Variants in IGF1 observed in about 807,000 individuals in gnomAD.
The protein encoded by IGF1 is insulin like growth factor 1, also known as insulin-like growth factor 1.
IGF1 carries 4 observed loss-of-function variants against 13.8 expected under a neutral mutation model. The observed-to-expected ratio is 0.29, with a 90% CI of 0.14 to 0.66. The LOEUF is 0.66. Ranked by LOEUF, IGF1 falls within the 30% of genes least tolerant of loss-of-function variation. The pLI is 0.78. For synonymous variants in IGF1, 76 were observed against 72.6 expected, an observed-to-expected ratio of 1.05 and a Z score of -0.23; for missense variants, 124 against 188.5, an observed-to-expected ratio of 0.66 and a Z score of 2.00.
At chr12:102,435,390 G>A (rs1421311662) in intron 2 of IGF1, among the ~76,000 whole-genome samples, 1 of 152,162 alleles carries the variant, frequency 6.6e-6, no homozygotes, top group East Asian at 1.9e-4. Context: ...TATAGAAGAG[G>A]ACACAGGATA....
At chr12:102,474,365 T>C (rs1935817758) in intron 2 of IGF1, among the ~76,000 whole-genome samples, 1 of 152,220 alleles carries the variant, frequency 6.6e-6, no homozygotes, top group Non-Finnish European at 1.5e-5. Flanking sequence ...ATTCAAATAG[T>C]AGAAGGCACT....
chr12:102,397,212 A>T lies in IGF1; in HGVS notation c.*5295T>A, dbSNP rs1592723409. On this transcript the variant is annotated 3_prime_UTR_variant, in exon 4 of 4. Coordinates refer to ENST00000337514, the MANE Select transcript of IGF1 (RefSeq NM_000618.5). ...GCGAGACCCCATCTCACAAAAAGGA[A>T]AAAAAAAAAGAGGGAACACGTGAAA... 1 of 171,204 alleles carries T rather than the reference A, an allele frequency of 5.8e-6. No homozygotes were observed. The highest frequency in any genetic ancestry group is 1.2e-5 in the Non-Finnish European group (1 of 82,198). 10.6% of individuals were successfully genotyped at this position (171,204 alleles called of 1,614,324 possible). A position where few individuals can be genotyped will look rare whatever the true frequency, so the allele number is the denominator to read the frequency against.
intron 2 of IGF1, among the ~76,000 whole-genome samples, chr12:102,427,220 AG>A (rs1184905214): frequency 6.6e-6 from 1 of 151,780 alleles, no homozygotes; most frequent in Non-Finnish European, 1.5e-5. Context: ...TCTTTTTTTT[AG>A]AAAGACTGAC....
At chr12:102,472,672 C>A (rs773200666) in intron 2 of IGF1, among the ~76,000 whole-genome samples, 13 of 152,106 alleles carry the variant, frequency 8.5e-5, no homozygotes, top group African/African-American at 3.1e-4. Context: ...ATGCTTCCCT[C>A]TAAAAAGTAT....
chr12:102,416,981 G>T (rs1875197879), intron 3 of IGF1, among the ~76,000 whole-genome samples: 1 of 152,168 alleles, frequency 6.6e-6, no homozygotes, highest in Admixed American at 6.5e-5. Flanking sequence ...GAGGGAAGAT[G>T]AAGTGAAGAC....
At chr12:102,449,400 TG>T (rs1212799718) in intron 2 of IGF1, among the ~76,000 whole-genome samples, 1 of 103,996 alleles carries the variant, frequency 9.6e-6, no homozygotes, top group Non-Finnish European at 2.0e-5. Context: ...AGTCGGGGGG[TG>T]GGGGCAAGGG....
intron 2 of IGF1, among the ~76,000 whole-genome samples, chr12:102,433,178 G>T (rs1876892023): frequency 6.6e-6 from 1 of 152,056 alleles, no homozygotes; most frequent in South Asian, 2.1e-4. Flanking sequence ...CCAAAATTTG[G>T]CTGAACACTC....
chr12:102,446,789 T>A (rs752570290), intron 2 of IGF1, among the ~76,000 whole-genome samples: 3 of 152,184 alleles, frequency 2.0e-5, no homozygotes, highest in Non-Finnish European at 4.4e-5. Flanking sequence ...TGCTCTTGCT[T>A]CTCTAGTTCT....
intron 2 of IGF1, among the ~76,000 whole-genome samples, chr12:102,447,868 A>G (rs1565989827): frequency 6.6e-6 from 1 of 152,208 alleles, no homozygotes; most frequent in Non-Finnish European, 1.5e-5. Flanking sequence ...ATGGACAAAC[A>G]CTTCCTGACT....
At chr12:102,418,186 C>T (rs868611410) in intron 3 of IGF1, among the ~76,000 whole-genome samples, 2 of 152,316 alleles carry the variant, frequency 1.3e-5, no homozygotes, top group Admixed American at 6.5e-5. Context: ...TTGACACCTA[C>T]CCCCTCCCCA....
intron 3 of IGF1, among the ~76,000 whole-genome samples, chr12:102,410,764 G>A (rs1874569244): frequency 6.6e-6 from 1 of 152,142 alleles, no homozygotes; most frequent in African/African-American, 2.4e-5. Flanking sequence ...TGACAAATCT[G>A]GGCAGAACAT....
intron 2 of IGF1, among the ~76,000 whole-genome samples, chr12:102,455,829 C>A (rs1423116916): frequency 6.6e-6 from 1 of 152,174 alleles, no homozygotes; most frequent in African/African-American, 2.4e-5. Context: ...TGCCATTTCT[C>A]TCTCTGGCCC....
chr12:102,453,210 G>A (rs770116786), intron 2 of IGF1, among the ~76,000 whole-genome samples: 1 of 152,200 alleles, frequency 6.6e-6, no homozygotes, highest in South Asian at 2.1e-4. Flanking sequence ...AATGTGTTAG[G>A]TGTGTGGCCT....
At chr12:102,441,939 T>TCTTCTTCTCCTTCTCCTTCTCCTTCTC (rs1877838325) in intron 2 of IGF1, among the ~76,000 whole-genome samples, 1 of 136,782 alleles carries the variant, frequency 7.3e-6, no homozygotes, top group Non-Finnish European at 1.6e-5. Flanking sequence ...TTCTTCTTCT[T>TCTTCTTCTCCTTCTCCTTCTCCTTCTC]CTTCTTCTTC....
chr12:102,476,382 GTTTTGT>G (rs1389168345), intron 1 of IGF1, among the ~76,000 whole-genome samples: 1 of 147,126 alleles, frequency 6.8e-6, no homozygotes, highest in Admixed American at 6.7e-5. Context: ...TCATCACAGG[GTTTTGT>G]TTTTGTTTTG....
At chr12:102,422,930 A>G (rs1183256420) in intron 2 of IGF1, 1 of 152,196 alleles carries the variant, frequency 6.6e-6, no homozygotes, top group African/African-American at 2.4e-5. Flanking sequence ...TACATATGGG[A>G]CAGATTTCAA....
At chr12:102,417,549 T>C in intron 3 of IGF1, 1 of 1,167,228 alleles carries the variant, frequency 8.6e-7, no homozygotes, top group Non-Finnish European at 1.1e-6. Context: ...GTGTGTCTTT[T>C]TTTGCCTCTT....
At chr12:102,420,102 T>C (rs1875571208) in intron 2 of IGF1, among the ~76,000 whole-genome samples, 1 of 152,234 alleles carries the variant, frequency 6.6e-6, no homozygotes, top group Admixed American at 6.5e-5. Context: ...AGCTCACATG[T>C]TTGCCTTTTT....
intron 2 of IGF1, among the ~76,000 whole-genome samples, chr12:102,448,700 A>T (rs1483750314): frequency 3.8e-4 from 57 of 150,706 alleles, no homozygotes; most frequent in South Asian, 1.5e-3. Context: ...AAAAAAAAAA[A>T]AAAAAAAAAA....
Sources: gnomAD v4.1 joint callset for allele counts (sites outside exome capture counted in the v4.1 genomes callset) on GRCh38, gnomAD v4.1.1 for gene constraint, MANE v1.5 for transcripts, NCBI Gene and HGNC (gene_info 2026-07-23, HGNC 2026-07-21) for gene names.